KIAA0825: variants seen among roughly 807,000 people sequenced by gnomAD.
KIAA0825 encodes the protein KIAA0825, also known as uncharacterized protein KIAA0825.
In KIAA0825, 119 loss-of-function variants were observed where a neutral mutation model predicts 147.6. The observed-to-expected ratio is 0.81, with a 90% CI of 0.69 to 0.94. The LOEUF (loss-of-function observed/expected upper bound fraction) is 0.94, where lower values mean the gene tolerates loss of function less well. KIAA0825 is among the 40% of genes least tolerant of loss of function. The pLI is 0.00. For missense variants in KIAA0825, 1,381 were observed against 1,472.7 expected (o/e 0.94, Z 1.02); for synonymous variants, 470 against 518.1 (o/e 0.91, Z 1.26).
At chr5:94,339,235 T>A (rs1782115476) in intron 20 of KIAA0825, among the ~76,000 whole-genome samples, 1 of 152,178 alleles carries the variant, frequency 6.6e-6, no homozygotes, top group Admixed American at 6.5e-5. Flanking sequence ...AGTATACTAA[T>A]CACTAAAAAT....
At chr5:94,261,590 C>T (rs899777118) in intron 20 of KIAA0825, among the ~76,000 whole-genome samples, 5 of 152,070 alleles carry the variant, frequency 3.3e-5, no homozygotes, top group African/African-American at 7.2e-5. Context: ...TGAAGTTCTA[C>T]GTAGCCTTAA....
At chr5:94,328,898 T>G (rs1417885188) in intron 20 of KIAA0825, among the ~76,000 whole-genome samples, 1 of 152,112 alleles carries the variant, frequency 6.6e-6, no homozygotes, top group Non-Finnish European at 1.5e-5. Flanking sequence ...AAAGTATGTT[T>G]CAAATATGAC....
At chr5:94,546,446 A>C (rs979925129) in intron 2 of KIAA0825, among the ~76,000 whole-genome samples, 3 of 152,030 alleles carry the variant, frequency 2.0e-5, no homozygotes, top group African/African-American at 7.2e-5. Context: ...GGTCTGACCC[A>C]AGGAAGTTCT....
In KIAA0825 at chr5:94,151,479, T is replaced by A. The variant is rs1334921723; in HGVS notation, c.*2528A>T. On this transcript the variant is annotated 3_prime_UTR_variant, in exon 21 of 21. Coordinates refer to ENST00000682413, the MANE Select transcript of KIAA0825 (RefSeq NM_001145678.3). ...TATTGAGTATAAAGTCAAAATAATC[T>A]GATAAATCAATGACTTGTCACCTAA... Among the ~76,000 whole-genome samples the A allele has an allele frequency of 2.0e-5, 3 of 148,032 alleles. No individual in the cohort carries two copies. Among genetic ancestry groups the A allele is most frequent in the Non-Finnish European group, 4.5e-5 (3 of 66,918 alleles).
At chr5:94,199,203 G>A (rs1463624718) in intron 20 of KIAA0825, among the ~76,000 whole-genome samples, 7 of 152,092 alleles carry the variant, frequency 4.6e-5, no homozygotes, top group Admixed American at 2.0e-4. Context: ...GAATGTCCTG[G>A]GATGGGGCTT....
intron 1 of KIAA0825, among the ~76,000 whole-genome samples, chr5:94,589,154 A>C (rs984707180): frequency 3.3e-5 from 5 of 152,180 alleles, no homozygotes; most frequent in Non-Finnish European, 5.9e-5. Flanking sequence ...CTTAGAGTAT[A>C]ACTAAAACAA....
intron 20 of KIAA0825, among the ~76,000 whole-genome samples, chr5:94,334,236 T>C (rs889566779): frequency 2.6e-5 from 4 of 152,224 alleles, no homozygotes; most frequent in Admixed American, 2.6e-4. Flanking sequence ...TTCAACACGA[T>C]ACAGAAAGTC....
Position 94,152,327 on chromosome 5 carries a change from T to C in KIAA0825, c.*1680A>G, listed in dbSNP as rs915375503. Among the ~76,000 whole-genome samples the C allele has an allele frequency of 6.6e-6, 1 of 152,156 alleles. No individual in the cohort carries two copies. The highest frequency in any genetic ancestry group is 1.5e-5 in the Non-Finnish European group (1 of 68,030). ...ACAGAATGTGGGAGTATGGACAATT[T>C]ATTATATATCTGAGAACATCAGAAA... is the stretch of plus-strand genomic sequence containing the variant. On this transcript the variant is annotated 3_prime_UTR_variant, in exon 21 of 21. Transcript: ENST00000682413.
In KIAA0825 at chr5:94,524,088, A is replaced by G. The variant is rs1348179704; in HGVS notation, c.142T>C (p.Cys48Arg). 6.2e-7 allele frequency: 1 copy of G among 1,604,530 alleles called. No homozygotes were observed. The highest frequency in any genetic ancestry group is 8.5e-7 in the Non-Finnish European group (1 of 1,174,630). The change falls in exon 4 of 21, where the codon TGC becomes CGC. Residue 48 changes from cysteine (C) to arginine (R), a missense_variant. By Grantham distance (180) the Cys-to-Arg change is radical (BLOSUM62 -3). Coordinates refer to ENST00000682413, the MANE Select transcript of KIAA0825 (RefSeq NM_001145678.3). ...IEQNAASIKH[C>R]IKEIQSEINK... The stretch of plus-strand genomic sequence containing the variant: ...ATTTCGGACTGTATCTCTTTAATGC[A>G]ATGTTTTATGCTATAAAAAACAGAA...
intron 20 of KIAA0825, among the ~76,000 whole-genome samples, chr5:94,272,802 G>T (rs536273207): frequency 6.6e-6 from 1 of 152,268 alleles, no homozygotes; most frequent in African/African-American, 2.4e-5. Flanking sequence ...ATGGCTTAGG[G>T]CATGTTCCCA....
At chr5:94,227,949 G>T (rs530047104) in intron 20 of KIAA0825, among the ~76,000 whole-genome samples, 1 of 151,746 alleles carries the variant, frequency 6.6e-6, no homozygotes, top group East Asian at 1.9e-4. Flanking sequence ...ATGTACCCTA[G>T]AACTTAATGT....
intron 20 of KIAA0825, among the ~76,000 whole-genome samples, chr5:94,268,091 A>G (rs1367403712): frequency 6.6e-6 from 1 of 152,178 alleles, no homozygotes; most frequent in African/African-American, 2.4e-5. Context: ...AAACAGAAGC[A>G]AGATTATTCG....
chr5:94,511,640 A>G (rs1324043971), intron 5 of KIAA0825, among the ~76,000 whole-genome samples: 2 of 152,106 alleles, frequency 1.3e-5, no homozygotes, highest in African/African-American at 2.4e-5. Context: ...AAACAAAAAC[A>G]AAAAACAGTG....
At chr5:94,271,545 C>T (rs1258950287) in intron 20 of KIAA0825, among the ~76,000 whole-genome samples, 1 of 152,060 alleles carries the variant, frequency 6.6e-6, no homozygotes, top group East Asian at 1.9e-4. Context: ...GTCAAGAGTT[C>T]GAGACCTGCC....
intron 5 of KIAA0825, among the ~76,000 whole-genome samples, chr5:94,508,462 C>T (rs1388105319): frequency 6.6e-6 from 1 of 152,012 alleles, no homozygotes; most frequent in Non-Finnish European, 1.5e-5. Context: ...CCCTTTGACC[C>T]TGTTAATGTC....
At chr5:94,603,774 TC>T (rs1231316197) in intron 1 of KIAA0825, among the ~76,000 whole-genome samples, 1 of 152,154 alleles carries the variant, frequency 6.6e-6, no homozygotes, top group Non-Finnish European at 1.5e-5. Flanking sequence ...GGTGTTGCAA[TC>T]CTAGTTTCTG....
In KIAA0825 at chr5:94,152,241, G is replaced by T. The variant is rs190283468; in HGVS notation, c.*1766C>A. The stretch of plus-strand genomic sequence containing the variant: ...TCTGCACCCCAAGCTTTTACTCTTT[G>T]AAAAATGCATGAGTACTTTCCTTTG... On this transcript the variant is annotated 3_prime_UTR_variant, in exon 21 of 21. Transcript: ENST00000682413. Among the ~76,000 whole-genome samples the T allele has an allele frequency of 1.5e-4, 23 of 152,128 alleles. No homozygotes were observed. The highest frequency in any genetic ancestry group is 3.1e-4 in the Non-Finnish European group (21 of 68,032).
chr5:94,451,366 A>G (rs534094535), intron 13 of KIAA0825, among the ~76,000 whole-genome samples: 3 of 152,292 alleles, frequency 2.0e-5, no homozygotes, highest in South Asian at 2.1e-4. Flanking sequence ...AACTTTGTCA[A>G]CCTCTCTGAT....
At chr5:94,187,602 T>C (rs1416013514) in intron 20 of KIAA0825, among the ~76,000 whole-genome samples, 1 of 151,818 alleles carries the variant, frequency 6.6e-6, no homozygotes, top group Non-Finnish European at 1.5e-5. Context: ...AATTTTTGTA[T>C]TTTTAGTAGA....
Sources: allele counts gnomAD v4.1 joint callset (sites outside exome capture counted in the v4.1 genomes callset), GRCh38; gene constraint gnomAD v4.1.1; transcripts MANE v1.5; gene names NCBI Gene and HGNC (gene_info 2026-07-23, HGNC 2026-07-21).